The following DMD variants were observed in gnomAD, a reference collection of about 807,000 sequenced individuals.
DMD encodes dystrophin.
Under a neutral mutation model 330.1 loss-of-function variants are expected in DMD, and 63 were observed. That is an observed-to-expected ratio of 0.19 (90% CI 0.16 to 0.24). The LOEUF is 0.24. DMD is among the 10% of genes least tolerant of loss of function. DMD has a pLI of 1.00. For missense variants in DMD, 3,344 were observed against 2,684.1 expected, an observed-to-expected ratio of 1.25 and a Z score of -5.43; for synonymous variants, 1,223 against 959.8, an observed-to-expected ratio of 1.27 and a Z score of -5.07.
chrX:32,522,133 C>T (rs2046490248), intron 17 of DMD, among the ~76,000 whole-genome samples: 1 of 111,848 alleles, frequency 8.9e-6, no homozygotes, highest in Non-Finnish European at 1.9e-5. Context: ...AACTAAAACC[C>T]TCTCTCTTCC....
intron 51 of DMD, among the ~76,000 whole-genome samples, chrX:31,756,030 G>A (rs1415095421): frequency 9.0e-6 from 1 of 111,387 alleles, no homozygotes; most frequent in Non-Finnish European, 1.9e-5. Context: ...GAGACACAGA[G>A]AGAGAGCGAG....
intron 47 of DMD, among the ~76,000 whole-genome samples, chrX:31,892,800 A>T (rs2094275898): frequency 8.9e-6 from 1 of 112,275 alleles, no homozygotes; most frequent in Admixed American, 9.5e-5. Context: ...TTAGATCACC[A>T]GTGTATATAT....
intron 55 of DMD, among the ~76,000 whole-genome samples, chrX:31,556,600 G>C (rs1656047238): frequency 9.4e-6 from 1 of 106,945 alleles, no homozygotes; most frequent in Non-Finnish European, 1.9e-5. Flanking sequence ...TTGAGAAAAA[G>C]TCTTTAAATA....
chrX:31,402,433 A>C (rs2061232281), intron 60 of DMD, among the ~76,000 whole-genome samples: 1 of 112,035 alleles, frequency 8.9e-6, no homozygotes, highest in African/African-American at 3.2e-5. Flanking sequence ...GATCCCTTAT[A>C]GTTTTGGCTG....
At chrX:31,797,115 T>C (rs774304220) in intron 50 of DMD, among the ~76,000 whole-genome samples, 2 of 111,755 alleles carry the variant, frequency 1.8e-5, no homozygotes, top group South Asian at 7.6e-4. Flanking sequence ...TTTTCCGTTA[T>C]GTGCTGTTTG....
At position 32,354,337 on chromosome X, in the gene DMD, A is replaced by G. The variant is rs1010248107; in HGVS notation, c.5326-5809T>C. 1.3e-4 allele frequency among the ~76,000 whole-genome samples: 14 copies of G among 111,569 alleles called. No homozygotes were observed. The Admixed American group carries it at 1.3e-3, about 11-fold the overall frequency. On this transcript the variant is annotated intron_variant, in intron 37 of 78. Coordinates refer to ENST00000357033, the MANE Select transcript of DMD (RefSeq NM_004006.3). ...CTTTGAAAATTTATTTATCATTACAATATTGATATAGAAAAATAAAGAATT... is the reference window on the plus strand; with the variant it reads ...CTTTGAAAATTTATTTATCATTACAGTATTGATATAGAAAAATAAAGAATT...
At chrX:31,784,242 C>G (rs751476382) in intron 50 of DMD, among the ~76,000 whole-genome samples, 3 of 111,814 alleles carry the variant, frequency 2.7e-5, no homozygotes, top group African/African-American at 9.8e-5. Flanking sequence ...TGAAAACATA[C>G]TCAACATCGT....
chrX:32,170,716 T>C (rs1390805001), intron 44 of DMD, among the ~76,000 whole-genome samples: 1 of 110,129 alleles, frequency 9.1e-6, no homozygotes, highest in Non-Finnish European at 1.9e-5. Flanking sequence ...AATTCTTTGT[T>C]GTAAGAGACT....
At chrX:32,122,030 C>G (rs149950132) in intron 44 of DMD, among the ~76,000 whole-genome samples, 3,150 of 110,849 alleles carry the variant, frequency 0.028, 91 homozygotes, top group African/African-American at 0.097. Flanking sequence ...CCCAGGTCTT[C>G]AGCACCTTTC....
chrX:32,561,402 T>C (rs977000110), intron 16 of DMD, among the ~76,000 whole-genome samples: 1 of 111,183 alleles, frequency 9.0e-6, no homozygotes, highest in Admixed American at 9.6e-5. Flanking sequence ...GAGGAAAGAA[T>C]CTCAGAGCTT....
At chrX:32,589,294 G>A (rs933035724) in intron 13 of DMD, among the ~76,000 whole-genome samples, 1 of 111,456 alleles carries the variant, frequency 9.0e-6, no homozygotes, top group African/African-American at 3.3e-5. Flanking sequence ...TCAGCATAGA[G>A]TATAATTATT....
intron 50 of DMD, among the ~76,000 whole-genome samples, chrX:31,789,666 T>C (rs914227625): frequency 1.1e-4 from 12 of 111,444 alleles, no homozygotes; most frequent in Non-Finnish European, 2.3e-4. Context: ...TCCTAAGATA[T>C]CTAGATAAGA....
intron 7 of DMD, among the ~76,000 whole-genome samples, chrX:32,766,917 G>A (rs2073063234): frequency 9.0e-6 from 1 of 110,823 alleles, no homozygotes; most frequent in Non-Finnish European, 1.9e-5. Context: ...ATAAAAAGAG[G>A]CATATAAAAT....
Position 32,411,777 on chromosome X carries a change from G to A in DMD, c.4208C>T (p.Ala1403Val), listed in dbSNP as rs1267618995. The change falls in exon 30 of 79, where the codon GCA becomes GTA. Residue 1403 changes from alanine to valine, a missense_variant. Transcript: ENST00000357033. ...LAAYIADKVDAAQMPQEAQKI... is the reference protein window; with the variant it reads ...LAAYIADKVDVAQMPQEAQKI... ...CTGGGCTTCCTGAGGCATTTGAGCTGCGTCCACCTTGTCTGCAATATAAGC... is the reference window on the plus strand; with the variant it reads ...CTGGGCTTCCTGAGGCATTTGAGCTACGTCCACCTTGTCTGCAATATAAGC... 1.7e-6 allele frequency: 2 copies of A among 1,209,414 alleles called. No individual in the cohort carries two copies. Among genetic ancestry groups the A allele is most frequent in the East Asian group, 3.0e-5 (1 of 33,711 alleles).
chrX:31,327,621 T>C (rs991270113), intron 61 of DMD, among the ~76,000 whole-genome samples: 2 of 111,984 alleles, frequency 1.8e-5, no homozygotes, highest in East Asian at 2.8e-4. Flanking sequence ...ATTTGGAGTT[T>C]GATAACATAG....
intron 48 of DMD, among the ~76,000 whole-genome samples, chrX:31,866,391 G>A (rs773173338): frequency 8.9e-6 from 1 of 111,768 alleles, no homozygotes; most frequent in South Asian, 3.8e-4. Context: ...GTTCAGATGG[G>A]ATTTGGAGAT....
chrX:32,346,230 C>A (rs927147177), intron 38 of DMD, 150 bp from the exon 39 acceptor site: 7 of 633,659 alleles, frequency 1.1e-5, no homozygotes, highest in Non-Finnish European at 1.7e-5. Context: ...GTGCTCATAG[C>A]CTTTCTTTTA....
chrX:32,565,419 G>T (rs1480136148), intron 16 of DMD, among the ~76,000 whole-genome samples: 2 of 111,463 alleles, frequency 1.8e-5, no homozygotes, highest in Admixed American at 1.9e-4. Context: ...TGATTATACA[G>T]TTCCCAGCAT....
chrX:32,783,400 C>T (rs1289125588), intron 7 of DMD, among the ~76,000 whole-genome samples: 1 of 104,274 alleles, frequency 9.6e-6, no homozygotes, highest in Non-Finnish European at 2.0e-5. Flanking sequence ...TATATACACA[C>T]ACACCCCTAG....
Sources: allele counts gnomAD v4.1 joint callset (sites outside exome capture counted in the v4.1 genomes callset), GRCh38; gene constraint gnomAD v4.1.1; transcripts MANE v1.5; gene names NCBI Gene and HGNC (gene_info 2026-07-23, HGNC 2026-07-21).